The following DPP10 variants were observed in gnomAD, a reference collection of about 807,000 sequenced individuals.
DPP10 encodes inactive dipeptidyl peptidase 10.
A neutral mutation model predicts 120.9 loss-of-function variants in DPP10; 33 were observed. That is an observed-to-expected ratio of 0.27 (90% confidence interval 0.21 to 0.37). The LOEUF (loss-of-function observed/expected upper bound fraction) is 0.37. Among genes scored for constraint, DPP10 ranks in the 10% least tolerant of loss-of-function variants. The probability of loss-of-function intolerance (pLI) is 1.00; values close to 1 mark genes in which losing one functional copy is unlikely to be tolerated. For synonymous variants in DPP10, 337 were observed against 326.1 expected (o/e 1.03, Z -0.36); for missense variants, 816 against 942.8 (o/e 0.87, Z 1.76).
At chr2:115,004,123 G>A (rs905403494) in intron 1 of DPP10, among the ~76,000 whole-genome samples, 2 of 152,092 alleles carry the variant, frequency 1.3e-5, no homozygotes, top group Non-Finnish European at 2.9e-5. Flanking sequence ...ATTCATATAT[G>A]GGAGCTAAAT....
At chr2:115,819,265 T>A (rs918727117) in intron 21 of DPP10, among the ~76,000 whole-genome samples, 5 of 152,228 alleles carry the variant, frequency 3.3e-5, no homozygotes, top group Non-Finnish European at 7.3e-5. Context: ...TAATTTCTTC[T>A]GAGGTCACCT....
chr2:115,133,139 GTGTGTGTATA>G lies in DPP10; in HGVS notation c.61-176098_61-176089del, dbSNP rs1295182112. On this transcript the variant is annotated intron_variant, in intron 1 of 25. Coordinates refer to ENST00000410059, the MANE Select transcript of DPP10 (RefSeq NM_020868.6). The stretch of plus-strand genomic sequence containing the variant: ...TATGTGTGTGTGTGTGTGTGTGTGT[GTGTGTGTATA>G]TATATATATATATATATATATATAT... 9.0e-3 allele frequency among the ~76,000 whole-genome samples: 603 copies of G among 67,204 alleles called. 1 individual carries two copies. The highest frequency in any genetic ancestry group is 0.021 in the African/African-American group (272 of 12,956). The allele number at this position is 67,204 out of a possible 152,430, so 44.1% of individuals were successfully genotyped here.
At chr2:115,128,987 T>G (rs918189679) in intron 1 of DPP10, among the ~76,000 whole-genome samples, 9 of 152,302 alleles carry the variant, frequency 5.9e-5, no homozygotes, top group African/African-American at 1.9e-4. Flanking sequence ...AAGGGGACAG[T>G]CATCCCAGAT....
At chr2:114,705,627 A>G (rs1402493016) in intron 1 of DPP10, among the ~76,000 whole-genome samples, 1 of 152,148 alleles carries the variant, frequency 6.6e-6, no homozygotes, top group African/African-American at 2.4e-5. Flanking sequence ...TTGGAAAAAA[A>G]CTAGAAAATA....
intron 1 of DPP10, among the ~76,000 whole-genome samples, chr2:115,301,707 G>A (rs1000260370): frequency 6.6e-6 from 1 of 151,822 alleles, no homozygotes. Context: ...TTTCTAATCT[G>A]CCATCTTTCT....
At chr2:115,449,499 C>T (rs539985138) in intron 3 of DPP10, among the ~76,000 whole-genome samples, 4 of 152,024 alleles carry the variant, frequency 2.6e-5, no homozygotes, top group East Asian at 1.9e-4. Context: ...TAATGTGGTC[C>T]TTAACTATAT....
At chr2:114,823,290 A>G (rs760773683) in intron 1 of DPP10, among the ~76,000 whole-genome samples, 7 of 152,018 alleles carry the variant, frequency 4.6e-5, no homozygotes, top group Non-Finnish European at 7.4e-5. Context: ...CCTTTGTAAA[A>G]CCATCAGATC....
chr2:115,154,041 A>G (rs2051737343), intron 1 of DPP10, among the ~76,000 whole-genome samples: 1 of 152,234 alleles, frequency 6.6e-6, no homozygotes, highest in African/African-American at 2.4e-5. Context: ...TAAAGCAAAA[A>G]TAACTATCTT....
intron 5 of DPP10, among the ~76,000 whole-genome samples, chr2:115,535,839 A>G (rs1034806285): frequency 3.3e-5 from 5 of 151,900 alleles, no homozygotes; most frequent in Non-Finnish European, 5.9e-5. Flanking sequence ...CTCCCTTGTA[A>G]GTTGGATTCC....
chr2:115,034,365 T>G (rs1295669779), intron 1 of DPP10, among the ~76,000 whole-genome samples: 1 of 152,154 alleles, frequency 6.6e-6, no homozygotes, highest in East Asian at 1.9e-4. Context: ...TCAAGAATCA[T>G]TAATCCACAA....
intron 1 of DPP10, among the ~76,000 whole-genome samples, chr2:114,963,192 A>G (rs892438079): frequency 6.6e-6 from 1 of 152,236 alleles, no homozygotes; most frequent in Admixed American, 6.5e-5. Context: ...ATTTTTAAGT[A>G]TGGGCCATAT....
At chr2:114,784,675 C>T (rs973612978) in intron 1 of DPP10, among the ~76,000 whole-genome samples, 1 of 152,080 alleles carries the variant, frequency 6.6e-6, no homozygotes, top group Admixed American at 6.6e-5. Context: ...CAGGGAACTC[C>T]ACACAGGCAC....
intron 1 of DPP10, among the ~76,000 whole-genome samples, chr2:114,820,681 C>T (rs376126813): frequency 6.6e-6 from 1 of 152,160 alleles, no homozygotes; most frequent in Non-Finnish European, 1.5e-5. Context: ...CTATATAAAA[C>T]CATCAGACCT....
intron 1 of DPP10, among the ~76,000 whole-genome samples, chr2:115,120,636 C>G (rs2104733833): frequency 6.6e-6 from 1 of 152,316 alleles, no homozygotes; most frequent in African/African-American, 2.4e-5. Flanking sequence ...GCAGTTTATA[C>G]TACTAAAGCA....
chr2:115,686,907 C>T (rs1205126938), intron 5 of DPP10, among the ~76,000 whole-genome samples: 3 of 152,016 alleles, frequency 2.0e-5, no homozygotes, highest in Non-Finnish European at 4.4e-5. Context: ...CTCAGTTTGG[C>T]TTTCACTGTG....
chr2:115,366,884 G>A (rs1574575568), intron 3 of DPP10, among the ~76,000 whole-genome samples: 1 of 151,946 alleles, frequency 6.6e-6, no homozygotes, highest in East Asian at 1.9e-4. Flanking sequence ...AAATCACATT[G>A]CACCCCCAGC....
chr2:114,445,074 A>C (rs1330378500), intron 1 of DPP10, among the ~76,000 whole-genome samples: 1 of 152,006 alleles, frequency 6.6e-6, no homozygotes, highest in Non-Finnish European at 1.5e-5. Context: ...CTAAAGAAAA[A>C]CTCTAAGATG....
intron 1 of DPP10, among the ~76,000 whole-genome samples, chr2:114,627,003 A>G (rs1356132497): frequency 6.6e-6 from 1 of 152,044 alleles, no homozygotes; most frequent in African/African-American, 2.4e-5. Context: ...TAAAATATTT[A>G]GGCAGTTTTC....
chr2:114,548,518 T>C (rs1687607568), intron 1 of DPP10, among the ~76,000 whole-genome samples: 1 of 152,276 alleles, frequency 6.6e-6, no homozygotes. Flanking sequence ...CTTGTGAGGA[T>C]TGGAGAGATA....
Sources: gnomAD v4.1 joint callset for allele counts (sites outside exome capture counted in the v4.1 genomes callset) on GRCh38, gnomAD v4.1.1 for gene constraint, MANE v1.5 for transcripts, NCBI Gene and HGNC (gene_info 2026-07-23, HGNC 2026-07-21) for gene names.